GNL3L: variants seen among roughly 807,000 people sequenced by gnomAD.
GNL3L encodes G protein nucleolar 3 like.
GNL3L carries 4 observed loss-of-function variants against 42.9 expected under a neutral mutation model. That is an observed-to-expected ratio of 0.09 (90% CI 0.05 to 0.21). The LOEUF is 0.21. Ranked by LOEUF, GNL3L falls within the 10% of genes least tolerant of loss-of-function variation. The probability of loss-of-function intolerance (pLI) is 1.00; values close to 1 mark genes in which losing one functional copy is unlikely to be tolerated. For missense variants in GNL3L, 412 were observed against 481.7 expected (o/e 0.86, Z 1.36); for synonymous variants, 159 against 176.3 (o/e 0.90, Z 0.78).
the GNL3L span, among the ~76,000 whole-genome samples, chrX:54,636,159 A>AC: frequency 8.9e-6 from 1 of 111,936 alleles, no homozygotes; most frequent in Non-Finnish European, 1.9e-5. Context: ...ACTTTATGTC[A>AC]GTCTTTTAGC....
chrX:54,551,507 C>A, intron 10 of GNL3L, 61 bp from the exon 11 acceptor site: 1 of 1,034,905 alleles, frequency 9.7e-7, no homozygotes, highest in Non-Finnish European at 1.3e-6. Flanking sequence ...CCAGGCCCAC[C>A]TTCGTGATTG....
intron 16 of GNL3L, among the ~76,000 whole-genome samples, chrX:54,578,050 G>A (rs1392155360): frequency 8.9e-6 from 1 of 111,905 alleles, no homozygotes; most frequent in Non-Finnish European, 1.9e-5. Flanking sequence ...GCCCTTTGTG[G>A]TAGTATTATC....
intron 1 of GNL3L, 116 bp downstream of exon 1, chrX:54,530,535 G>A (rs986767582): frequency 2.7e-5 from 3 of 112,013 alleles, no homozygotes; most frequent in African/African-American, 9.7e-5. Flanking sequence ...CGGGAGAGGG[G>A]CATTGCCCCA....
chrX:54,605,833 A>G (rs1319575246), intron 16 of GNL3L, among the ~76,000 whole-genome samples: 1 of 111,272 alleles, frequency 9.0e-6, no homozygotes, highest in Non-Finnish European at 1.9e-5. Flanking sequence ...TCTTGATACT[A>G]TATGTAGTGA....
At chrX:54,644,942 A>G in the GNL3L span, among the ~76,000 whole-genome samples, 1 of 111,483 alleles carries the variant, frequency 9.0e-6, no homozygotes, top group Non-Finnish European at 1.9e-5. Context: ...ATGTTAGTAG[A>G]ATTTTAAAGT....
chrX:54,544,179 G>A (rs1924704176), intron 7 of GNL3L, 44 bp from the exon 8 acceptor site: 2 of 729,027 alleles, frequency 2.7e-6, no homozygotes, highest in Non-Finnish European at 4.3e-6. Flanking sequence ...CCATGGAGGT[G>A]TTGTTCTGCT....
At chrX:54,633,578 C>T in the GNL3L span, among the ~76,000 whole-genome samples, 1 of 110,417 alleles carries the variant, frequency 9.1e-6, no homozygotes, top group Non-Finnish European at 1.9e-5. Flanking sequence ...GGACTTGCTG[C>T]GGCCAAAGAG....
chrX:54,623,766 G>A (rs1926319139), downstream of GNL3L, among the ~76,000 whole-genome samples: 2 of 111,238 alleles, frequency 1.8e-5, no homozygotes, highest in African/African-American at 3.3e-5. Context: ...CTTTTAGATG[G>A]TGTTGTAAAT....
chrX:54,532,025 T>C (rs762201558), intron 1 of GNL3L, among the ~76,000 whole-genome samples: 1 of 110,860 alleles, frequency 9.0e-6, no homozygotes, highest in Non-Finnish European at 1.9e-5. Flanking sequence ...GGTAGACTCC[T>C]GAGATCTATT....
downstream of GNL3L, among the ~76,000 whole-genome samples, chrX:54,570,360 T>A (rs1569542312): frequency 8.9e-6 from 1 of 112,269 alleles, no homozygotes; most frequent in Non-Finnish European, 1.9e-5. Flanking sequence ...TAAATATAGC[T>A]GCTGCAGCTT....
the GNL3L span, among the ~76,000 whole-genome samples, chrX:54,627,973 A>T: frequency 0.14 from 14,867 of 110,116 alleles, 1,553 homozygotes; most frequent in African/African-American, 0.37. Flanking sequence ...CACTGTACCC[A>T]ATGTGTAGTC....
At chrX:54,621,897 G>A (rs1440341517), downstream of GNL3L, among the ~76,000 whole-genome samples, 2 of 111,575 alleles carry the variant, frequency 1.8e-5, no homozygotes, top group Admixed American at 1.9e-4. Context: ...TATCTTCCTT[G>A]GTGTAAAATG....
downstream of GNL3L, among the ~76,000 whole-genome samples, chrX:54,625,705 G>T (rs1038162006): frequency 9.0e-6 from 1 of 110,687 alleles, no homozygotes. Flanking sequence ...AATATCTAAT[G>T]GTAGAGAACT....
downstream of GNL3L, among the ~76,000 whole-genome samples, chrX:54,567,619 C>T (rs1427741291): frequency 9.4e-6 from 1 of 106,195 alleles, no homozygotes; most frequent in Non-Finnish European, 1.9e-5. Flanking sequence ...GCACTCTAGC[C>T]TGGGCAACAA....
At chrX:54,532,466 G>C in intron 1 of GNL3L, 54 bp from the exon 2 acceptor site, 1 of 664,221 alleles carries the variant, frequency 1.5e-6, no homozygotes, top group South Asian at 2.3e-5. Flanking sequence ...GAGGGGGCTT[G>C]TGGCATTGTG....
Position 54,560,600 on chromosome X carries a change from T to A in GNL3L, c.1747T>A (p.Ter583LysextTer54). ...SGNADDGVGD* is the reference protein window; with the variant it reads ...SGNADDGVGDK ...CAATGCTGATGATGGTGTTGGTGAC[T>A]AATCGACTGATCTCACTTCCCTTCC... Residue 583 changes from the stop codon to lysine (K), a stop_lost, in exon 16 of 16, where the codon TAA (stop) becomes AAA (lysine). Coordinates refer to ENST00000360845, the MANE Select transcript of GNL3L (RefSeq NM_001184819.2). 9.2e-7 allele frequency: 1 copy of A among 1,081,535 alleles called. No homozygotes were observed. Among genetic ancestry groups the A allele is most frequent in the African/African-American group, 1.8e-5 (1 of 55,497 alleles). The allele number at this position is 1,081,535 out of a possible 1,213,427, so 89.1% of individuals were successfully genotyped here.
intron 16 of GNL3L, among the ~76,000 whole-genome samples, chrX:54,595,813 A>G (rs1033898692): frequency 5.3e-5 from 6 of 112,244 alleles, no homozygotes; most frequent in Non-Finnish European, 9.4e-5. Context: ...CAATTCTGCT[A>G]TGACTGTGAT....
Position 54,560,566 on chromosome X carries a change from C to T in GNL3L, c.1713C>T (p.Asp571=). 2 of 1,176,803 alleles carry T rather than the reference C, an allele frequency of 1.7e-6. No homozygotes were observed. Among genetic ancestry groups the T allele is most frequent in the Non-Finnish European group, 2.3e-6 (2 of 863,571 alleles). The change falls in exon 16 of 16, where the codon GAC becomes GAT. Residue 571 remains aspartate, a synonymous_variant. Coordinates refer to ENST00000360845, the MANE Select transcript of GNL3L (RefSeq NM_001184819.2). ...CTGATTCCATGATGTCTGCTCTCGA[C>T]CTCTCTGGCAATGCTGATGATGGTG... is the stretch of plus-strand genomic sequence containing the variant. ...KLSDSMMSAL[D]LSGNADDGVG... is the part of the protein sequence containing the mutation.
chrX:54,577,623 A>G (rs2147512565), intron 16 of GNL3L, among the ~76,000 whole-genome samples: 1 of 111,777 alleles, frequency 8.9e-6, no homozygotes, highest in African/African-American at 3.2e-5. Flanking sequence ...TGTTTCCAAG[A>G]GTTTAACTTT....
Sources: allele counts gnomAD v4.1 joint callset (sites outside exome capture counted in the v4.1 genomes callset), GRCh38; gene constraint gnomAD v4.1.1; transcripts MANE v1.5; gene names NCBI Gene and HGNC (gene_info 2026-07-23, HGNC 2026-07-21).